Variants in MYT1L observed in about 807,000 individuals in gnomAD.
MYT1L encodes myelin transcription factor 1 like, also known as myelin transcription factor 1-like protein.
MYT1L carries 12 observed loss-of-function variants against 126.7 expected under a neutral mutation model. The observed-to-expected ratio is 0.09, with a 90% confidence interval of 0.06 to 0.15. The LOEUF (loss-of-function observed/expected upper bound fraction) is 0.15, where lower values mean the gene tolerates loss of function less well. Ranked by LOEUF, MYT1L falls within the 10% of genes least tolerant of loss-of-function variation. The pLI, the probability that MYT1L is intolerant of heterozygous loss-of-function variation, is 1.00. For missense variants in MYT1L, 979 were observed against 1,585.2 expected, an observed-to-expected ratio of 0.62 and a Z score of 6.49; for synonymous variants, 541 against 604.2, an observed-to-expected ratio of 0.90 and a Z score of 1.53.
chr2:1,945,768 T>C (rs2057154121), intron 8 of MYT1L, among the ~76,000 whole-genome samples: 1 of 152,218 alleles, frequency 6.6e-6, no homozygotes. Context: ...AAGAAACTTT[T>C]GCTATTTTTT....
chr2:2,192,857 C>G (rs1341130557), intron 2 of MYT1L, among the ~76,000 whole-genome samples: 1 of 152,134 alleles, frequency 6.6e-6, no homozygotes, highest in Non-Finnish European at 1.5e-5. Flanking sequence ...GCCAACGAGT[C>G]AAGGCTTGAG....
At chr2:2,189,835 CG>C (rs148315667) in intron 2 of MYT1L, among the ~76,000 whole-genome samples, 5,598 of 148,406 alleles carry the variant, frequency 0.038, 408 homozygotes, top group African/African-American at 0.13. Flanking sequence ...GTTCTCAGGA[CG>C]GCACGGGGAG....
At chr2:2,164,882 GA>G (rs1258582261) in intron 3 of MYT1L, among the ~76,000 whole-genome samples, 1 of 152,180 alleles carries the variant, frequency 6.6e-6, no homozygotes, top group East Asian at 1.9e-4. Flanking sequence ...TTATTTTCAT[GA>G]ATTGGACATG....
chr2:1,856,508 T>C (rs2043943305), intron 18 of MYT1L, among the ~76,000 whole-genome samples: 1 of 152,202 alleles, frequency 6.6e-6, no homozygotes, highest in South Asian at 2.1e-4. Flanking sequence ...CTCTGATGTG[T>C]CCTTCCCAGG....
chr2:2,157,044 G>C (rs1009761618), intron 3 of MYT1L, among the ~76,000 whole-genome samples: 1 of 152,110 alleles, frequency 6.6e-6, no homozygotes, highest in Admixed American at 6.6e-5. Context: ...CAATGGGTTC[G>C]GCAAAATAAG....
At chr2:1,883,951 G>A (rs1484709160) in intron 18 of MYT1L, 1 of 152,222 alleles carries the variant, frequency 6.6e-6, no homozygotes, top group African/African-American at 2.4e-5. Flanking sequence ...ATGAAGTGAT[G>A]GATTTTCTTT....
At chr2:1,816,119 C>A (rs540844154) in intron 21 of MYT1L, 4 of 152,370 alleles carry the variant, frequency 2.6e-5, no homozygotes, top group Non-Finnish European at 5.9e-5. Context: ...GTATGAACCA[C>A]CACATTCAGC....
chr2:1,796,322 C>T (rs1572296864), intron 23 of MYT1L, among the ~76,000 whole-genome samples: 1 of 152,202 alleles, frequency 6.6e-6, no homozygotes, highest in Non-Finnish European at 1.5e-5. Context: ...AATCCCAAGG[C>T]GTTAGCAGTG....
chr2:1,956,588 C>CTATA (rs1558534120), intron 8 of MYT1L, among the ~76,000 whole-genome samples: 1 of 147,446 alleles, frequency 6.8e-6, no homozygotes, highest in Non-Finnish European at 1.5e-5. Context: ...ATCTATCTAT[C>CTATA]TATCTATCTA....
intron 1 of MYT1L, among the ~76,000 whole-genome samples, chr2:2,320,969 C>G (rs2096153985): frequency 6.6e-6 from 1 of 152,216 alleles, no homozygotes; most frequent in African/African-American, 2.4e-5. Flanking sequence ...GACCATACAT[C>G]CGTGGTCTAC....
chr2:1,967,374 T>G (rs1038581213), intron 8 of MYT1L, among the ~76,000 whole-genome samples: 1 of 152,174 alleles, frequency 6.6e-6, no homozygotes, highest in Non-Finnish European at 1.5e-5. Flanking sequence ...CTGTCCAGGC[T>G]TCAGAGTTCC....
chr2:2,281,408 A>G (rs1261622022), intron 2 of MYT1L, among the ~76,000 whole-genome samples: 1 of 152,210 alleles, frequency 6.6e-6, no homozygotes, highest in Non-Finnish European at 1.5e-5. Flanking sequence ...TGTGGGGCAA[A>G]TGACTTTTGT....
At chr2:2,203,526 T>C (rs1043668585) in intron 2 of MYT1L, among the ~76,000 whole-genome samples, 6 of 151,680 alleles carry the variant, frequency 4.0e-5, no homozygotes, top group Non-Finnish European at 8.8e-5. Context: ...TCAAAGAGAA[T>C]AAAATACCTA....
chr2:1,861,220 G>A (rs1248530166), intron 18 of MYT1L, among the ~76,000 whole-genome samples: 1 of 152,116 alleles, frequency 6.6e-6, no homozygotes, highest in Non-Finnish European at 1.5e-5. Flanking sequence ...TGGGGCATGG[G>A]GACGGCCACT....
chr2:2,298,455 A>G (rs1394594815), intron 1 of MYT1L, among the ~76,000 whole-genome samples: 1 of 152,234 alleles, frequency 6.6e-6, no homozygotes, highest in Non-Finnish European at 1.5e-5. Flanking sequence ...ATGGCTTTAC[A>G]ATAATAATCT....
chr2:2,264,589 G>A (rs1430949169), intron 2 of MYT1L, among the ~76,000 whole-genome samples: 1 of 152,190 alleles, frequency 6.6e-6, no homozygotes, highest in East Asian at 1.9e-4. Context: ...TTCAGGTTCT[G>A]TGCAACGCTG....
Position 2,005,054 on chromosome 2 carries a change from ACATTCTTTCCTGCATG to A in MYT1L, c.-157-7723_-157-7708del, listed in dbSNP as rs1397834497. ...TTCCTGCAGGCGTTCTTTCCTGAAT[ACATTCTTTCCTGCATG>A]CGTTCTTTCCTGCAGGCGTTCTTTC... On this transcript the variant is annotated intron_variant, in intron 4 of 24. Coordinates refer to ENST00000647738, the MANE Select transcript of MYT1L (RefSeq NM_001303052.2). Among the ~76,000 whole-genome samples, 592 of 102,570 alleles carry A rather than the reference ACATTCTTTCCTGCATG, an allele frequency of 5.8e-3. 6 individuals are homozygous for A. Among genetic ancestry groups the A allele is most frequent in the African/African-American group, 0.021 (561 of 26,750 alleles). The allele number at this position is 102,570 out of a possible 152,430, so 67.3% of individuals were successfully genotyped here. A position where few individuals can be genotyped will look rare whatever the true frequency, so the allele number is the denominator to read the frequency against.
At chr2:1,974,802 C>T (rs2060046865) in intron 8 of MYT1L, 1 of 152,124 alleles carries the variant, frequency 6.6e-6, no homozygotes, top group Admixed American at 6.5e-5. Context: ...TTAAGACCCC[C>T]GATGTATCCT....
At chr2:2,088,243 G>T (rs73173903) in intron 3 of MYT1L, among the ~76,000 whole-genome samples, 3 of 152,154 alleles carry the variant, frequency 2.0e-5, no homozygotes, top group Admixed American at 6.5e-5. Context: ...TGACTGACTC[G>T]CTTTCTCTAG....
Sources: gnomAD v4.1 joint callset for allele counts (sites outside exome capture counted in the v4.1 genomes callset) on GRCh38, gnomAD v4.1.1 for gene constraint, MANE v1.5 for transcripts, NCBI Gene and HGNC (gene_info 2026-07-23, HGNC 2026-07-21) for gene names.